SLC15A1: variants seen among roughly 807,000 people sequenced by gnomAD.
The protein encoded by SLC15A1 is Caco-2 oligopeptide transporter.
In SLC15A1, 83 loss-of-function variants were observed where a neutral mutation model predicts 92.9. That is an observed-to-expected ratio of 0.89 (90% CI 0.75 to 1.07). SLC15A1 has a LOEUF of 1.07. SLC15A1 is among the 50% of genes least tolerant of loss of function. The pLI is 0.00. For missense variants in SLC15A1, 857 were observed against 880.1 expected (o/e 0.97, Z 0.33); for synonymous variants, 322 against 318.2 (o/e 1.01, Z -0.13).
chr13:98,752,300 C>G (rs2088552979), intron 1 of SLC15A1, among the ~76,000 whole-genome samples: 3 of 152,254 alleles, frequency 2.0e-5, no homozygotes, highest in Admixed American at 6.5e-5. Flanking sequence ...AGCGCACTCC[C>G]GGCCCGCAGG....
chr13:98,750,942 C>T (rs544410087), intron 1 of SLC15A1, among the ~76,000 whole-genome samples: 5 of 151,978 alleles, frequency 3.3e-5, no homozygotes, highest in East Asian at 1.9e-4. Flanking sequence ...TTAGTAGAGA[C>T]GGGGGTCTTA....
chr13:98,711,875 G>A lies in SLC15A1; in HGVS notation c.879C>T (p.Phe293=), dbSNP rs1341492486. 6.2e-7 allele frequency: 1 copy of A among 1,613,684 alleles called. No individual in the cohort carries two copies. Among genetic ancestry groups the A allele is most frequent in the South Asian group, 1.1e-5 (1 of 91,074 alleles). ...VMFLYIPLPM[F]WALFDQQGSR... is the part of the protein sequence containing the mutation. Reference sequence around the variant, plus strand: ...TTACCTGCTGGTCAAACAAGGCCCAGAACATTGGGAGTGGAATATACAGGA... The same window carrying A: ...TTACCTGCTGGTCAAACAAGGCCCAAAACATTGGGAGTGGAATATACAGGA... Residue 293 remains phenylalanine (F), a synonymous_variant, in exon 11 of 23, where the codon TTC becomes TTT. Coordinates refer to ENST00000376503, the MANE Select transcript of SLC15A1 (RefSeq NM_005073.4).
chr13:98,727,237 T>C (rs934518605), intron 1 of SLC15A1, among the ~76,000 whole-genome samples: 2 of 152,186 alleles, frequency 1.3e-5, no homozygotes, highest in Admixed American at 1.3e-4. Context: ...TTCTGTAATA[T>C]AAAATGCTTC....
At chr13:98,738,625 C>T (rs573929267) in intron 1 of SLC15A1, among the ~76,000 whole-genome samples, 38 of 152,360 alleles carry the variant, frequency 2.5e-4, no homozygotes, top group Non-Finnish European at 4.0e-4. Context: ...AGCCTGCAGG[C>T]GCACAGACTG....
chr13:98,730,663 G>A (rs369697358), intron 1 of SLC15A1, among the ~76,000 whole-genome samples: 1 of 152,252 alleles, frequency 6.6e-6, no homozygotes, highest in Non-Finnish European at 1.5e-5. Flanking sequence ...TCAGTGCATC[G>A]TTACGGGGGA....
chr13:98,717,025 C>T (rs114705617), intron 8 of SLC15A1, among the ~76,000 whole-genome samples: 1 of 152,126 alleles, frequency 6.6e-6, no homozygotes, highest in African/African-American at 2.4e-5. Flanking sequence ...TCTCTATCAT[C>T]TTATTAAAAA....
chr13:98,714,392 T>C (rs536075937), intron 9 of SLC15A1, among the ~76,000 whole-genome samples: 47 of 151,922 alleles, frequency 3.1e-4, no homozygotes, highest in Admixed American at 7.9e-4. Context: ...AATTGAAATA[T>C]AATACAATAA....
chr13:98,729,705 T>C (rs1393749499), intron 1 of SLC15A1, among the ~76,000 whole-genome samples: 1 of 152,208 alleles, frequency 6.6e-6, no homozygotes, highest in Admixed American at 6.5e-5. Flanking sequence ...ATTTTCATTA[T>C]GTGCAAGTTC....
chr13:98,734,858 C>T (rs1315684889), intron 1 of SLC15A1, among the ~76,000 whole-genome samples: 2 of 151,842 alleles, frequency 1.3e-5, no homozygotes, highest in African/African-American at 4.8e-5. Context: ...GCCTACAAAC[C>T]AAAAAAAGTC....
chr13:98,741,377 C>T (rs1315484468), intron 1 of SLC15A1, among the ~76,000 whole-genome samples: 1 of 152,162 alleles, frequency 6.6e-6, no homozygotes, highest in Non-Finnish European at 1.5e-5. Flanking sequence ...TTTTGGGAGG[C>T]CAAGGCGGAG....
intron 1 of SLC15A1, among the ~76,000 whole-genome samples, chr13:98,745,282 A>G (rs4772131): frequency 0.93 from 141,404 of 152,236 alleles, 65,742 homozygotes; most frequent in East Asian, 1. Context: ...GCTGAGGACC[A>G]TGGTGGAGTT....
intron 5 of SLC15A1, 29 bp from the exon 6 acceptor site, chr13:98,721,932 A>G (rs113549110): frequency 1.3e-6 from 2 of 1,584,102 alleles, no homozygotes; most frequent in Non-Finnish European, 1.7e-6. Context: ...TAGGGCCAAC[A>G]TGGCAGATCC....
intron 18 of SLC15A1, among the ~76,000 whole-genome samples, chr13:98,698,252 A>G (rs1271580222): frequency 6.6e-6 from 1 of 152,226 alleles, no homozygotes; most frequent in Admixed American, 6.5e-5. Context: ...ATTATGTTGT[A>G]AATAATATTT....
intron 18 of SLC15A1, among the ~76,000 whole-genome samples, chr13:98,697,283 C>T (rs187389168): frequency 7.2e-5 from 11 of 152,168 alleles, no homozygotes; most frequent in African/African-American, 2.4e-4. Context: ...CTTGAACTCC[C>T]GACCTCCTGA....
chr13:98,706,708 T>C (rs1244534191), intron 15 of SLC15A1, among the ~76,000 whole-genome samples: 1 of 152,208 alleles, frequency 6.6e-6, no homozygotes, highest in East Asian at 1.9e-4. Context: ...ACTGTGACGC[T>C]TCCCCAGCCA....
At chr13:98,732,750 CAG>C (rs2088361037) in intron 1 of SLC15A1, among the ~76,000 whole-genome samples, 1 of 152,204 alleles carries the variant, frequency 6.6e-6, no homozygotes, top group South Asian at 2.1e-4. Flanking sequence ...CCCTTTCAGG[CAG>C]AGAGATAACT....
At chr13:98,709,140 C>T (rs1313181074) in intron 14 of SLC15A1, among the ~76,000 whole-genome samples, 3 of 151,872 alleles carry the variant, frequency 2.0e-5, no homozygotes, top group African/African-American at 4.8e-5. Context: ...GCTTATTTTT[C>T]GTATTTTTAG....
chr13:98,686,940 C>A (rs1294344431), intron 21 of SLC15A1, among the ~76,000 whole-genome samples: 1 of 136,852 alleles, frequency 7.3e-6, no homozygotes, highest in East Asian at 2.8e-4. Context: ...TAAACTTTTT[C>A]TTTTTCTTCT....
intron 1 of SLC15A1, among the ~76,000 whole-genome samples, chr13:98,748,523 G>A (rs890295131): frequency 6.6e-6 from 1 of 152,100 alleles, no homozygotes; most frequent in African/African-American, 2.4e-5. Context: ...TCAAACTCCT[G>A]AGCTCAAATG....
Sources: allele counts gnomAD v4.1 joint callset (sites outside exome capture counted in the v4.1 genomes callset), GRCh38; gene constraint gnomAD v4.1.1; transcripts MANE v1.5; gene names NCBI Gene and HGNC (gene_info 2026-07-23, HGNC 2026-07-21).